Variants in NTRK1 observed in about 807,000 individuals in gnomAD.
NTRK1 encodes the protein high affinity nerve growth factor receptor.
In NTRK1, 62 loss-of-function variants were observed where a neutral mutation model predicts 86.8. The observed-to-expected ratio is 0.71, with a 90% CI of 0.58 to 0.88. The LOEUF is 0.88. NTRK1 is among the 40% of genes least tolerant of loss of function. NTRK1 has a pLI of 0.00. For synonymous variants in NTRK1, 469 were observed against 456.6 expected, an observed-to-expected ratio of 1.03 and a Z score of -0.35; for missense variants, 967 against 1,078.4, an observed-to-expected ratio of 0.90 and a Z score of 1.45.
At chr1:156,869,022 T>C (rs76353234) in intron 6 of NTRK1, among the ~76,000 whole-genome samples, 249 of 16,372 alleles carry the variant, frequency 0.015, no homozygotes, top group Non-Finnish European at 0.028. Flanking sequence ...CTCTCTCCCT[T>C]CCTTCCTTCC....
intron 1 of NTRK1, among the ~76,000 whole-genome samples, chr1:156,864,147 A>T (rs1571684846): frequency 6.6e-6 from 1 of 152,262 alleles, no homozygotes; most frequent in East Asian, 1.9e-4. Flanking sequence ...TCATGCACAC[A>T]CATGTGCATG....
chr1:156,816,854 G>A, intron 1 of NTRK1: 1 of 662,364 alleles, frequency 1.5e-6, no homozygotes, highest in Non-Finnish European at 2.3e-6. Context: ...GTTCTGGCGA[G>A]GACTCACGTC....
intron 7 of NTRK1, among the ~76,000 whole-genome samples, chr1:156,872,035 C>G (rs535339954): frequency 6.6e-6 from 1 of 152,258 alleles, no homozygotes; most frequent in East Asian, 1.9e-4. Flanking sequence ...CCCACTGCTC[C>G]GAAGTATTTT....
chr1:156,827,685 C>A (rs1281910668), intron 1 of NTRK1, among the ~76,000 whole-genome samples: 1 of 152,082 alleles, frequency 6.6e-6, no homozygotes, highest in African/African-American at 2.4e-5. Context: ...GCACGAGCCA[C>A]TCTGCCTGGC....
chr1:156,830,853 C>A (rs2102841905), intron 1 of NTRK1, among the ~76,000 whole-genome samples: 1 of 152,340 alleles, frequency 6.6e-6, no homozygotes, highest in Admixed American at 6.5e-5. Context: ...CCACGCCCAG[C>A]AAGGTTCTGG....
chr1:156,834,215 A>G (rs1006567347), intron 1 of NTRK1, among the ~76,000 whole-genome samples: 2 of 152,192 alleles, frequency 1.3e-5, no homozygotes, highest in African/African-American at 4.8e-5. Flanking sequence ...GAGACCAAGG[A>G]TGCAGAGGAG....
At chr1:156,818,776 A>G (rs1486045817) in intron 1 of NTRK1, among the ~76,000 whole-genome samples, 1 of 152,216 alleles carries the variant, frequency 6.6e-6, no homozygotes, top group Admixed American at 6.5e-5. Context: ...CTGTGCTGCT[A>G]TAAACATGCG....
intron 1 of NTRK1, among the ~76,000 whole-genome samples, chr1:156,835,146 C>T (rs969697346): frequency 6.6e-6 from 1 of 152,056 alleles, no homozygotes. Flanking sequence ...TTGGGGTAAG[C>T]CTAGGGTTGC....
chr1:156,871,842 A>G, intron 7 of NTRK1, 87 bp downstream of exon 7: 1 of 1,568,762 alleles, frequency 6.4e-7, no homozygotes, highest in Non-Finnish European at 8.7e-7. Context: ...GCTGGAAGAA[A>G]GGGTGGGATG....
Position 156,875,070 on chromosome 1 carries a change from C to G in NTRK1, c.1354+62C>G, listed in dbSNP as rs1315786161. 3.1e-5 allele frequency: 36 copies of G among 1,175,204 alleles called. No individual in the cohort carries two copies. In the East Asian group the frequency reaches 8.4e-4, roughly 27 times the overall value. The allele number at this position is 1,175,204 out of a possible 1,614,324, so 72.8% of individuals were successfully genotyped here. ...TTCTCCTGGCTTTGTTTCCTACTGG[C>G]TCTTCCTGACTCTGTCTCTGGGGGG... On this transcript the variant is annotated intron_variant, in intron 11 of 16. Transcript: ENST00000524377.
intron 1 of NTRK1, among the ~76,000 whole-genome samples, chr1:156,833,511 C>A (rs1011360517): frequency 6.6e-6 from 1 of 151,494 alleles, no homozygotes; most frequent in South Asian, 2.1e-4. Context: ...GAGCTGAAAT[C>A]GCACCACTGC....
At position 156,854,113 on chromosome 1, in the gene NTRK1, C is replaced by T. The variant is rs537594451; in HGVS notation, c.51-10241C>T. On this transcript the variant is annotated intron_variant, in intron 2 of 16. Transcript: ENST00000392302. The surrounding 1 kb of genome is among the most constrained non-coding windows in gnomAD (Gnocchi z 4.2). ...GGTTGGGGAAGAGGTCGCGCAGGCT[C>T]TCCAGTCCGTAGACACGGAAGAGCA... 1 of 1,614,156 alleles carries T rather than the reference C, an allele frequency of 6.2e-7. No homozygotes were observed. Among genetic ancestry groups the T allele is most frequent in the African/African-American group, 1.3e-5 (1 of 75,072 alleles).
intron 14 of NTRK1, among the ~76,000 whole-genome samples, chr1:156,876,946 G>T (rs550444764): frequency 6.6e-6 from 1 of 152,070 alleles, no homozygotes; most frequent in African/African-American, 2.4e-5. Flanking sequence ...CATTTATCAG[G>T]CACCTTCTAT....
At chr1:156,861,513 C>T (rs554464910) in intron 1 of NTRK1, among the ~76,000 whole-genome samples, 1 of 152,320 alleles carries the variant, frequency 6.6e-6, no homozygotes, top group Non-Finnish European at 1.5e-5. Flanking sequence ...GCAGAGAAGT[C>T]CCCAGTTTGT....
In NTRK1 at chr1:156,873,749, A is replaced by G; in HGVS notation, c.967A>G (p.Asn323Asp). ...CTGGCTCTTCAATGGCTCCGTGCTC[A>G]ATGAGACCAGCTTCATCTTCACTGA... ...LRWLFNGSVL[N>D]ETSFIFTEFL... The change falls in exon 8 of 17, where the codon AAT becomes GAT. Residue 323 changes from asparagine to aspartate, a missense_variant. Around this residue, in one of 2 missense-constraint regions of NTRK1, gnomAD observed 637 missense variants for 776.5 expected, o/e 0.82. Transcript: ENST00000524377. 1 of 1,613,274 alleles carries G rather than the reference A, an allele frequency of 6.2e-7. No individual in the cohort carries two copies. Among genetic ancestry groups the G allele is most frequent in the Non-Finnish European group, 8.5e-7 (1 of 1,179,788 alleles).
intron 7 of NTRK1, among the ~76,000 whole-genome samples, chr1:156,873,018 A>AGTTT (rs1647654198): frequency 7.6e-6 from 1 of 130,954 alleles, no homozygotes; most frequent in African/African-American, 2.9e-5. Flanking sequence ...TTTCAAAAAG[A>AGTTT]GTGTGTGTGT....
chr1:156,852,235 G>C (rs1177169843), intron 2 of NTRK1: 1 of 1,523,250 alleles, frequency 6.6e-7, no homozygotes. Context: ...TGCCCCCTCA[G>C]TCCTGGCTGT....
chr1:156,820,280 T>A (rs1654148619), intron 1 of NTRK1, among the ~76,000 whole-genome samples: 1 of 152,178 alleles, frequency 6.6e-6, no homozygotes, highest in Non-Finnish European at 1.5e-5. Context: ...AGGGTCTCAC[T>A]CTGTCACCAA....
intron 1 of NTRK1, among the ~76,000 whole-genome samples, chr1:156,823,464 G>A (rs1444476737): frequency 6.6e-6 from 1 of 152,298 alleles, no homozygotes; most frequent in East Asian, 1.9e-4. Flanking sequence ...TCTTTGCTGT[G>A]AAATGGGTTC....
Sources: allele counts gnomAD v4.1 joint callset (sites outside exome capture counted in the v4.1 genomes callset), GRCh38; gene constraint gnomAD v4.1.1; regional missense constraint gnomAD v4.1.1; non-coding constraint Gnocchi (gnomAD v3.1); transcripts MANE v1.5; gene names NCBI Gene and HGNC (gene_info 2026-07-23, HGNC 2026-07-21).